ZNF469: variants seen among roughly 807,000 people sequenced by gnomAD.
The protein encoded by ZNF469 is zinc finger protein 469.
ZNF469 carries 1 observed loss-of-function variant against 1.0 expected under a neutral mutation model. The observed-to-expected ratio is 1.00, with a 90% CI of 0.35 to 4.73. The LOEUF is 4.73. Ranked by LOEUF, ZNF469 falls within the 30% of genes most tolerant of loss-of-function variation. The pLI is 0.16. For synonymous variants in ZNF469, 2,703 were observed against 2,363.4 expected (o/e 1.14, Z -4.17); for missense variants, 6,100 against 5,356.3 (o/e 1.14, Z -4.33).
In ZNF469 at chr16:88,439,598, G is replaced by A. The variant is rs1213444805; in HGVS notation, c.*266G>A. The A allele has an allele frequency of 2.0e-6, 1 of 511,468 alleles. No individual in the cohort carries two copies. Among genetic ancestry groups the A allele is most frequent in the Non-Finnish European group, 3.5e-6 (1 of 281,874 alleles). 31.7% of individuals were successfully genotyped at this position (511,468 alleles called of 1,614,324 possible). On this transcript the variant is annotated 3_prime_UTR_variant, in exon 3 of 3. Transcript: ENST00000565624. ...CACACAGCTGTTTTCTTGGTACCAA[G>A]TACTTGAAGAGACAGCAGCCCATCC...
chr16:88,236,468 G>A, the ZNF469 span, among the ~76,000 whole-genome samples: 1 of 152,242 alleles, frequency 6.6e-6, no homozygotes, highest in Admixed American at 6.5e-5. Flanking sequence ...AAAGAGACGT[G>A]TCCGACCCCC....
the ZNF469 span, among the ~76,000 whole-genome samples, chr16:88,150,811 C>A: frequency 6.6e-6 from 1 of 152,032 alleles, no homozygotes; most frequent in African/African-American, 2.4e-5. Flanking sequence ...GAACATGAAA[C>A]TGGCCCGGCC....
At chr16:88,341,228 C>T in the ZNF469 span, among the ~76,000 whole-genome samples, 17 of 152,176 alleles carry the variant, frequency 1.1e-4, no homozygotes, top group African/African-American at 4.1e-4. Context: ...TTGGGGTGTC[C>T]CTGTTCAATG....
upstream of ZNF469, among the ~76,000 whole-genome samples, chr16:88,380,528 AAC>A (rs760776664): frequency 0.21 from 15,238 of 71,690 alleles, 1,237 homozygotes; most frequent in East Asian, 0.55. Context: ...CACACGCACT[AAC>A]ACACACGCAC....
chr16:88,133,578 ATCAT>A, the ZNF469 span, among the ~76,000 whole-genome samples: 1 of 152,144 alleles, frequency 6.6e-6, no homozygotes, highest in East Asian at 1.9e-4. Context: ...AATAAGTTCA[ATCAT>A]TCAAGCAATA....
the ZNF469 span, among the ~76,000 whole-genome samples, chr16:88,209,615 A>G: frequency 1.3e-5 from 2 of 152,186 alleles, no homozygotes; most frequent in African/African-American, 4.8e-5. Context: ...TACAAAAACT[A>G]AGCATTGTTT....
At chr16:88,231,688 C>T in the ZNF469 span, among the ~76,000 whole-genome samples, 8 of 152,204 alleles carry the variant, frequency 5.3e-5, no homozygotes, top group African/African-American at 1.9e-4. This position sits in a 1 kb window ranked among gnomAD's most constrained non-coding sequence, Gnocchi z 4.5. Context: ...TTCCTTCTCA[C>T]ACCTCCTCCT....
At chr16:88,270,515 C>G in the ZNF469 span, among the ~76,000 whole-genome samples, 1 of 152,240 alleles carries the variant, frequency 6.6e-6, no homozygotes, top group Non-Finnish European at 1.5e-5. Flanking sequence ...ATCATGCAGA[C>G]TCCCTGGGCA....
At chr16:88,284,139 C>G in the ZNF469 span, among the ~76,000 whole-genome samples, 1 of 144,698 alleles carries the variant, frequency 6.9e-6, no homozygotes, top group African/African-American at 2.6e-5. Context: ...GGTAGACCCC[C>G]AGTGTGCCCG....
chr16:88,269,429 G>C, the ZNF469 span, among the ~76,000 whole-genome samples: 9 of 152,174 alleles, frequency 5.9e-5, no homozygotes, highest in Admixed American at 3.9e-4. Context: ...GTTTCCCACA[G>C]GAGATGAATA....
At chr16:88,163,450 T>TGATG in the ZNF469 span, among the ~76,000 whole-genome samples, 3 of 144,214 alleles carry the variant, frequency 2.1e-5, no homozygotes, top group Non-Finnish European at 4.5e-5. Flanking sequence ...GTAGATGGAG[T>TGATG]GATGGATGGA....
the ZNF469 span, among the ~76,000 whole-genome samples, chr16:88,260,416 G>A: frequency 2.0e-5 from 3 of 152,328 alleles, no homozygotes; most frequent in Admixed American, 1.3e-4. This position sits in a 1 kb window ranked among gnomAD's most constrained non-coding sequence, Gnocchi z 4.1. Flanking sequence ...CCCTGGCCAC[G>A]GTTGCATCTC....
chr16:88,185,686 GAC>G, the ZNF469 span, among the ~76,000 whole-genome samples: 211 of 135,038 alleles, frequency 1.6e-3, 1 homozygote, highest in African/African-American at 5.7e-3. Flanking sequence ...CAGACCCACA[GAC>G]ACATTCGCAC....
the ZNF469 span, among the ~76,000 whole-genome samples, chr16:88,304,252 C>T: frequency 6.6e-6 from 1 of 152,206 alleles, no homozygotes; most frequent in Admixed American, 6.5e-5. Flanking sequence ...GACAGCCCAG[C>T]GCTGCAGCCC....
the ZNF469 span, among the ~76,000 whole-genome samples, chr16:88,108,240 G>T: frequency 2.0e-5 from 3 of 146,740 alleles, no homozygotes; most frequent in East Asian, 2.0e-4. Context: ...GATGCGGGGA[G>T]GGGGGTCCAT....
In ZNF469 at chr16:88,434,106, T is replaced by C; in HGVS notation, c.6636T>C (p.Gly2212=). The stretch of plus-strand genomic sequence containing the variant: ...GCGATCCCAAGGAAGCCCTGGCTGG[T>C]TGCCTTCTCCAGGGGGAGGGCAGCC... ...SPCDPKEALA[G]CLLQGEGSPL... Residue 2212 remains glycine, a synonymous_variant, in exon 3 of 3, where the codon GGT becomes GGC. Transcript: ENST00000565624. 1 of 1,550,354 alleles carries C rather than the reference T, an allele frequency of 6.5e-7. No homozygotes were observed. Among genetic ancestry groups the C allele is most frequent in the Non-Finnish European group, 8.7e-7 (1 of 1,146,934 alleles).
At chr16:88,262,921 T>C in the ZNF469 span, among the ~76,000 whole-genome samples, 16,133 of 152,226 alleles carry the variant, frequency 0.11, 2,871 homozygotes, top group African/African-American at 0.37. This position sits in a 1 kb window ranked among gnomAD's most constrained non-coding sequence, Gnocchi z 4.3. Context: ...CTCCTACGGA[T>C]GAGCTCTGAC....
At chr16:88,350,072 G>A in the ZNF469 span, among the ~76,000 whole-genome samples, 1 of 152,264 alleles carries the variant, frequency 6.6e-6, no homozygotes, top group Admixed American at 6.5e-5. Flanking sequence ...CCATGGCCCA[G>A]CCCGGCAGGC....
At chr16:88,274,016 G>T in the ZNF469 span, among the ~76,000 whole-genome samples, 1 of 152,174 alleles carries the variant, frequency 6.6e-6, no homozygotes, top group Non-Finnish European at 1.5e-5. Context: ...TATCGGCCAT[G>T]ATGGTCTCGA....
Sources: allele counts gnomAD v4.1 joint callset (sites outside exome capture counted in the v4.1 genomes callset), GRCh38; gene constraint gnomAD v4.1.1; non-coding constraint Gnocchi (gnomAD v3.1); transcripts MANE v1.5; gene names NCBI Gene and HGNC (gene_info 2026-07-23, HGNC 2026-07-21).